The following RPS6KC1 variants were observed in gnomAD, a reference collection of about 807,000 sequenced individuals.
The protein encoded by RPS6KC1 is ribosomal protein S6 kinase C1.
Under a neutral mutation model 103.8 loss-of-function variants are expected in RPS6KC1, and 54 were observed. The ratio of observed to expected loss-of-function variants is 0.52; its 90% CI spans 0.42 to 0.65. The LOEUF (loss-of-function observed/expected upper bound fraction) is 0.65, where lower values mean the gene tolerates loss of function less well. Among genes scored for constraint, RPS6KC1 ranks in the 30% least tolerant of loss-of-function variants. The pLI is 0.00. For missense variants in RPS6KC1, 1,151 were observed against 1,253.8 expected, an observed-to-expected ratio of 0.92 and a Z score of 1.24; for synonymous variants, 439 against 438.7, an observed-to-expected ratio of 1.00 and a Z score of -0.01.
chr1:213,399,536 G>T, the RPS6KC1 span, among the ~76,000 whole-genome samples: 1 of 152,022 alleles, frequency 6.6e-6, no homozygotes, highest in South Asian at 2.1e-4. Flanking sequence ...TAAACTCCCT[G>T]ACTTCTCTGC....
chr1:213,158,409 A>C (rs958709727), intron 6 of RPS6KC1, among the ~76,000 whole-genome samples: 3 of 152,204 alleles, frequency 2.0e-5, no homozygotes, highest in African/African-American at 7.2e-5. Context: ...CTTCCTCAAA[A>C]TAACCATTTG....
the RPS6KC1 span, among the ~76,000 whole-genome samples, chr1:213,671,061 G>T: frequency 6.6e-6 from 1 of 152,170 alleles, no homozygotes; most frequent in Admixed American, 6.5e-5. Flanking sequence ...AAAGAAGGGA[G>T]AACACCCAAG....
chr1:213,105,959 A>C (rs886881307), intron 4 of RPS6KC1, among the ~76,000 whole-genome samples: 1 of 152,222 alleles, frequency 6.6e-6, no homozygotes, highest in Admixed American at 6.5e-5. Context: ...GGATTATGGA[A>C]GTCCTATTAA....
chr1:213,310,850 G>A, the RPS6KC1 span, among the ~76,000 whole-genome samples: 1 of 152,230 alleles, frequency 6.6e-6, no homozygotes, highest in Non-Finnish European at 1.5e-5. Flanking sequence ...GGTGGCACGT[G>A]TTTCTGGCCC....
the RPS6KC1 span, among the ~76,000 whole-genome samples, chr1:213,290,569 T>C: frequency 2.0e-5 from 3 of 152,020 alleles, no homozygotes; most frequent in South Asian, 6.2e-4. Flanking sequence ...TTCAGCCTAT[T>C]CTCTTTCCAA....
chr1:213,819,349 G>T, the RPS6KC1 span: 6 of 152,296 alleles, frequency 3.9e-5, no homozygotes, highest in Non-Finnish European at 8.8e-5. Flanking sequence ...GCCAGAGATC[G>T]TGAATTCTCC....
chr1:213,199,711 T>C (rs1238022428), intron 8 of RPS6KC1, among the ~76,000 whole-genome samples: 1 of 152,144 alleles, frequency 6.6e-6, no homozygotes, highest in African/African-American at 2.4e-5. Flanking sequence ...TTATCCCTGT[T>C]TGCACAGTGC....
chr1:213,646,753 C>G, the RPS6KC1 span, among the ~76,000 whole-genome samples: 1 of 151,990 alleles, frequency 6.6e-6, no homozygotes, highest in African/African-American at 2.4e-5. Flanking sequence ...CTGAGGTCAT[C>G]ATGGGGGCTG....
intron 12 of RPS6KC1, among the ~76,000 whole-genome samples, chr1:213,245,862 TAAGTA>T (rs779104491): frequency 1.8e-4 from 28 of 152,332 alleles, no homozygotes; most frequent in Non-Finnish European, 3.4e-4. Context: ...TTCTGTTATT[TAAGTA>T]TAGTTTCTGC....
At chr1:213,549,793 C>T in the RPS6KC1 span, among the ~76,000 whole-genome samples, 10 of 152,088 alleles carry the variant, frequency 6.6e-5, no homozygotes, top group South Asian at 1.5e-3. Context: ...GATAGCAATA[C>T]TATTTCTGGG....
downstream of RPS6KC1, among the ~76,000 whole-genome samples, chr1:213,279,069 T>C (rs1395891887): frequency 2.0e-5 from 3 of 152,130 alleles, no homozygotes; most frequent in African/African-American, 7.2e-5. Context: ...TGCTGAGACA[T>C]TTGGACTTCA....
At chr1:213,468,906 C>T in the RPS6KC1 span, among the ~76,000 whole-genome samples, 355 of 152,224 alleles carry the variant, frequency 2.3e-3, 1 homozygote, top group African/African-American at 8.1e-3. Flanking sequence ...CCTTCATATG[C>T]TTGACTCCTG....
chr1:213,243,538 T>A (rs1210643288), intron 12 of RPS6KC1, among the ~76,000 whole-genome samples: 2 of 152,240 alleles, frequency 1.3e-5, no homozygotes, highest in African/African-American at 4.8e-5. Flanking sequence ...CTTTATTTTT[T>A]AAAAATTAGA....
intron 4 of RPS6KC1, among the ~76,000 whole-genome samples, chr1:213,116,996 T>G (rs1331460524): frequency 6.6e-6 from 1 of 151,998 alleles, no homozygotes; most frequent in Non-Finnish European, 1.5e-5. Flanking sequence ...TTTTTTGAAT[T>G]TTAAAATAAT....
At chr1:213,521,320 C>G in the RPS6KC1 span, among the ~76,000 whole-genome samples, 1 of 152,138 alleles carries the variant, frequency 6.6e-6, no homozygotes, top group Non-Finnish European at 1.5e-5. Context: ...ATAGCATTGT[C>G]TAAAAATGCA....
the RPS6KC1 span, among the ~76,000 whole-genome samples, chr1:213,303,974 G>A: frequency 2.6e-5 from 4 of 151,778 alleles, no homozygotes; most frequent in South Asian, 8.3e-4. Flanking sequence ...GGGAGGCCGA[G>A]GCAGGCGGAT....
the RPS6KC1 span, among the ~76,000 whole-genome samples, chr1:213,413,742 G>C: frequency 6.6e-6 from 1 of 152,134 alleles, no homozygotes; most frequent in African/African-American, 2.4e-5. Flanking sequence ...CTTCATTTCT[G>C]TGCTATCCTA....
chr1:213,192,635 G>C (rs80082928), intron 8 of RPS6KC1, among the ~76,000 whole-genome samples: 3,150 of 152,058 alleles, frequency 0.021, 111 homozygotes, highest in African/African-American at 0.072. Context: ...TGTCAATCTT[G>C]TTTACCTTTT....
At chr1:213,302,391 G>T in the RPS6KC1 span, among the ~76,000 whole-genome samples, 1 of 152,116 alleles carries the variant, frequency 6.6e-6, no homozygotes, top group South Asian at 2.1e-4. Flanking sequence ...ACCAGGTGTG[G>T]TGACTCACAC....
Sources: allele counts gnomAD v4.1 joint callset (sites outside exome capture counted in the v4.1 genomes callset), GRCh38; gene constraint gnomAD v4.1.1; transcripts MANE v1.5; gene names NCBI Gene and HGNC (gene_info 2026-07-23, HGNC 2026-07-21).